DPP6: variants seen among roughly 807,000 people sequenced by gnomAD.
DPP6 encodes the protein dipeptidyl peptidase like 6, also known as A-type potassium channel modulatory protein DPP6.
In DPP6, 69 loss-of-function variants were observed where a neutral mutation model predicts 122.6. The observed-to-expected ratio is 0.56, with a 90% CI of 0.46 to 0.69. DPP6 has a LOEUF of 0.69. DPP6 is among the 30% of genes least tolerant of loss of function. The probability of loss-of-function intolerance (pLI) is 0.00; values close to 1 mark genes in which losing one functional copy is unlikely to be tolerated. For synonymous variants in DPP6, 418 were observed against 433.1 expected, an observed-to-expected ratio of 0.97 and a Z score of 0.43; for missense variants, 928 against 1,116.9, an observed-to-expected ratio of 0.83 and a Z score of 2.41.
At chr7:154,568,153 T>C (rs1428740135) in intron 5 of DPP6, among the ~76,000 whole-genome samples, 2 of 152,234 alleles carry the variant, frequency 1.3e-5, no homozygotes, top group Non-Finnish European at 2.9e-5. Flanking sequence ...GCCTTAAACT[T>C]GCCTCTTTCA....
intron 1 of DPP6, among the ~76,000 whole-genome samples, chr7:154,362,887 A>T (rs1811851773): frequency 1.3e-5 from 2 of 152,132 alleles, no homozygotes; most frequent in Non-Finnish European, 2.9e-5. Context: ...CATCAACTGG[A>T]GCTTGTTTGG....
chr7:154,402,646 C>T (rs1315414282), intron 1 of DPP6, among the ~76,000 whole-genome samples: 1 of 147,708 alleles, frequency 6.8e-6, no homozygotes, highest in Non-Finnish European at 1.5e-5. Flanking sequence ...ATACCTAATG[C>T]TAGATGACGA....
chr7:153,980,870 T>C (rs1471937858), intron 1 of DPP6, among the ~76,000 whole-genome samples: 1 of 152,246 alleles, frequency 6.6e-6, no homozygotes, highest in Non-Finnish European at 1.5e-5. Flanking sequence ...AGTGAGTGTC[T>C]TAATCCTGAG....
intron 17 of DPP6, among the ~76,000 whole-genome samples, chr7:154,867,324 G>A (rs550481143): frequency 5.3e-5 from 8 of 152,324 alleles, no homozygotes; most frequent in Middle Eastern, 3.4e-3. Flanking sequence ...TAACGAGGAC[G>A]TGTGTGTGCT....
intron 1 of DPP6, among the ~76,000 whole-genome samples, chr7:154,137,885 G>A (rs1795656737): frequency 6.6e-6 from 1 of 152,160 alleles, no homozygotes; most frequent in African/African-American, 2.4e-5. Context: ...AATCAGTGTG[G>A]CTTCTTCCTC....
chr7:154,361,671 G>A (rs1350336889), intron 1 of DPP6, among the ~76,000 whole-genome samples: 1 of 150,836 alleles, frequency 6.6e-6, no homozygotes, highest in Non-Finnish European at 1.5e-5. Flanking sequence ...TGTTGAAGCA[G>A]CAATGAATAG....
At chr7:154,686,027 G>A (rs1422681866) in intron 7 of DPP6, among the ~76,000 whole-genome samples, 1 of 152,186 alleles carries the variant, frequency 6.6e-6, no homozygotes, top group Non-Finnish European at 1.5e-5. Context: ...TGTGCAGGTT[G>A]GGACATACTA....
chr7:154,891,103 T>TACCTG (rs1806564477), intron 25 of DPP6: 2 of 152,222 alleles, frequency 1.3e-5, no homozygotes, highest in African/African-American at 4.8e-5. Flanking sequence ...TAGTCATGTG[T>TACCTG]ACCTGTGGTC....
chr7:154,694,032 C>A (rs1293505654), intron 7 of DPP6, among the ~76,000 whole-genome samples: 1 of 152,164 alleles, frequency 6.6e-6, no homozygotes, highest in East Asian at 1.9e-4. Flanking sequence ...TTTTCATCGT[C>A]CTGGAGGCTG....
chr7:153,923,235 G>A, intron 1 of DPP6, among the ~76,000 whole-genome samples: 1 of 152,120 alleles, frequency 6.6e-6, no homozygotes, highest in East Asian at 1.9e-4. Flanking sequence ...GAAAATTATT[G>A]CCTGTTAGAA....
intron 1 of DPP6, among the ~76,000 whole-genome samples, chr7:153,889,947 A>G (rs1799114887): frequency 6.6e-6 from 1 of 152,248 alleles, no homozygotes; most frequent in Non-Finnish European, 1.5e-5. Context: ...ACGTGGCTTC[A>G]GTTGAGTGAT....
At chr7:154,352,703 A>G (rs66991837) in intron 1 of DPP6, among the ~76,000 whole-genome samples, 17,619 of 151,986 alleles carry the variant, frequency 0.12, 1,552 homozygotes, top group African/African-American at 0.24. Context: ...GAGGGAGAAC[A>G]TTAGGACAAG....
chr7:154,291,558 C>T (rs577676846), intron 1 of DPP6, among the ~76,000 whole-genome samples: 6 of 152,302 alleles, frequency 3.9e-5, no homozygotes, highest in South Asian at 2.1e-4. Context: ...GTAATGGCTG[C>T]GTCCTCATAG....
intron 1 of DPP6, among the ~76,000 whole-genome samples, chr7:154,365,764 T>C (rs1812110901): frequency 1.3e-5 from 2 of 151,900 alleles, no homozygotes; most frequent in Admixed American, 6.6e-5. Context: ...CCATCCTGAC[T>C]AACACGCCAC....
intron 7 of DPP6, among the ~76,000 whole-genome samples, chr7:154,673,338 T>C (rs1015721418): frequency 1.3e-5 from 2 of 152,206 alleles, no homozygotes; most frequent in Admixed American, 6.5e-5. Flanking sequence ...AGTGATGCCT[T>C]TGGGTCTGGA....
intron 16 of DPP6, among the ~76,000 whole-genome samples, chr7:154,850,462 T>C (rs1420139990): frequency 1.3e-5 from 2 of 152,168 alleles, no homozygotes; most frequent in African/African-American, 2.4e-5. Flanking sequence ...AGGGTAAGGC[T>C]GGCCTCATAA....
intron 1 of DPP6, among the ~76,000 whole-genome samples, chr7:154,127,642 C>T (rs1306443089): frequency 7.7e-6 from 1 of 129,466 alleles, no homozygotes. Context: ...CAGACACACA[C>T]ACACACACAG....
intron 1 of DPP6, among the ~76,000 whole-genome samples, chr7:154,210,552 A>G (rs1393873217): frequency 6.6e-6 from 1 of 152,202 alleles, no homozygotes. Context: ...GCATTCTACT[A>G]TGCAATAACA....
At chr7:154,091,722 C>T (rs1184911775) in intron 1 of DPP6, among the ~76,000 whole-genome samples, 2 of 152,128 alleles carry the variant, frequency 1.3e-5, no homozygotes, top group Admixed American at 6.5e-5. Flanking sequence ...CCCCTCACCA[C>T]GTGGCCTCAG....
Sources: gnomAD v4.1 joint callset for allele counts (sites outside exome capture counted in the v4.1 genomes callset) on GRCh38, gnomAD v4.1.1 for gene constraint, MANE v1.5 for transcripts, NCBI Gene and HGNC (gene_info 2026-07-23, HGNC 2026-07-21) for gene names.